Variants in PDE7B observed in about 807,000 individuals in gnomAD.
The protein encoded by PDE7B is 3',5'-cyclic-AMP phosphodiesterase 7B.
Under a neutral mutation model 56.2 loss-of-function variants are expected in PDE7B, and 29 were observed. The ratio of observed to expected loss-of-function variants is 0.52; its 90% CI spans 0.38 to 0.70. The LOEUF (loss-of-function observed/expected upper bound fraction) is 0.70, where lower values mean the gene tolerates loss of function less well. Among genes scored for constraint, PDE7B ranks in the 30% least tolerant of loss-of-function variants. The pLI is 0.00. For synonymous variants in PDE7B, 197 were observed against 196.9 expected (o/e 1.00, Z 0.00); for missense variants, 490 against 565.0 (o/e 0.87, Z 1.35).
Position 135,948,296 on chromosome 6 carries a change from A to C in PDE7B, c.82+772A>C, listed in dbSNP as rs559786925. Among the ~76,000 whole-genome samples the C allele has an allele frequency of 5.9e-5, 9 of 152,164 alleles. No homozygotes were observed. In the East Asian group the frequency reaches 1.3e-3, roughly 23 times the overall value. ...TGCAATTCATTATAGTAATAGAAGT[A>C]AACAGTAGCATGGATAAATAAAAAT... On this transcript the variant is annotated intron_variant, in intron 2 of 12. Coordinates refer to ENST00000308191, the MANE Select transcript of PDE7B (RefSeq NM_018945.4).
At chr6:136,038,404 G>A (rs1349012917) in intron 2 of PDE7B, 35 of 1,291,102 alleles carry the variant, frequency 2.7e-5, no homozygotes, top group Non-Finnish European at 3.5e-5. Context: ...AGCAGGGGCC[G>A]CTGCCCTGGG....
intron 2 of PDE7B, among the ~76,000 whole-genome samples, chr6:136,060,822 T>G (rs1254896012): frequency 6.6e-6 from 1 of 152,210 alleles, no homozygotes; most frequent in Non-Finnish European, 1.5e-5. Context: ...TCCTCCTGAT[T>G]CTAAGCCTAG....
intron 1 of PDE7B, among the ~76,000 whole-genome samples, chr6:135,854,545 C>G (rs1490352779): frequency 6.6e-6 from 1 of 152,196 alleles, no homozygotes; most frequent in African/African-American, 2.4e-5. Flanking sequence ...GAAGAAAGGA[C>G]TTGGCATTTG....
At chr6:135,852,776 T>A (rs183444483) in intron 1 of PDE7B, among the ~76,000 whole-genome samples, 42 of 152,246 alleles carry the variant, frequency 2.8e-4, no homozygotes, top group Non-Finnish European at 2.9e-5. Flanking sequence ...GAAAATGGAG[T>A]CAGATATTCA....
intron 2 of PDE7B, among the ~76,000 whole-genome samples, chr6:136,046,551 C>T (rs185142687): frequency 1.4e-4 from 21 of 152,308 alleles, no homozygotes; most frequent in African/African-American, 2.9e-4. Flanking sequence ...CTCCTGCACA[C>T]GCCTGAGAGG....
intron 2 of PDE7B, among the ~76,000 whole-genome samples, chr6:135,976,050 CA>C (rs1471372082): frequency 6.6e-6 from 1 of 152,096 alleles, no homozygotes; most frequent in East Asian, 1.9e-4. Flanking sequence ...TTCCAGTATC[CA>C]GACCTGCAGC....
intron 7 of PDE7B, among the ~76,000 whole-genome samples, chr6:136,154,587 G>T (rs1480641): frequency 7.6e-4 from 116 of 152,290 alleles, no homozygotes; most frequent in South Asian, 1.7e-3. Flanking sequence ...TGGAATCAAA[G>T]CTCCTCAAGT....
intron 8 of PDE7B, among the ~76,000 whole-genome samples, chr6:136,161,409 T>C (rs1778702430): frequency 6.6e-6 from 1 of 152,222 alleles, no homozygotes; most frequent in African/African-American, 2.4e-5. Flanking sequence ...AGGGAATATT[T>C]AATAGCTTCT....
At chr6:136,191,303 C>A (rs117785576) in intron 12 of PDE7B, among the ~76,000 whole-genome samples, 1 of 152,172 alleles carries the variant, frequency 6.6e-6, no homozygotes, top group Non-Finnish European at 1.5e-5. Context: ...GGCCCCAGAG[C>A]TGGAAATTTT....
In PDE7B at chr6:136,190,680, G is replaced by A. The variant is rs562648106; in HGVS notation, c.1127-934G>A. Reference sequence around the variant, plus strand: ...TGTTTATTATGAAAAGCACATTAACGCGGCAAAACGCGATTAGAAAGTAAC... The same window carrying A: ...TGTTTATTATGAAAAGCACATTAACACGGCAAAACGCGATTAGAAAGTAAC... On this transcript the variant is annotated intron_variant, in intron 12 of 12. Transcript: ENST00000308191. Among the ~76,000 whole-genome samples the A allele has an allele frequency of 3.3e-5, 5 of 152,146 alleles. No homozygotes were observed. The East Asian group carries it at 5.8e-4, about 18-fold the overall frequency.
chr6:135,881,564 G>A lies in PDE7B; in HGVS notation c.21+29545G>A, dbSNP rs144930270. Among the ~76,000 whole-genome samples, 509 of 152,140 alleles carry A rather than the reference G, an allele frequency of 3.3e-3. 3 individuals are homozygous for A. The highest frequency in any genetic ancestry group is 0.022 in the South Asian group (106 of 4,820). On this transcript the variant is annotated intron_variant, in intron 1 of 12. Coordinates refer to ENST00000308191, the MANE Select transcript of PDE7B (RefSeq NM_018945.4). ...GTCTGCATGCTAATAGGCAGGTCCC[G>A]CAATATATTTTTTAATAACAAACAC...
intron 2 of PDE7B, among the ~76,000 whole-genome samples, chr6:136,018,895 G>A (rs1410437101): frequency 6.6e-6 from 1 of 151,958 alleles, no homozygotes; most frequent in Non-Finnish European, 1.5e-5. Flanking sequence ...CTTAGCCTGT[G>A]TTTTAACTGA....
intron 3 of PDE7B, among the ~76,000 whole-genome samples, chr6:136,119,061 G>A (rs1302882520): frequency 1.3e-5 from 2 of 152,180 alleles, no homozygotes; most frequent in African/African-American, 4.8e-5. Context: ...CCCCAAAGAA[G>A]AAGGAAATGG....
chr6:136,147,592 CCT>C, intron 4 of PDE7B, 90 bp downstream of exon 4: 1 of 1,034,100 alleles, frequency 9.7e-7, no homozygotes, highest in Non-Finnish European at 1.5e-6. Context: ...TCCTACTCTG[CCT>C]CTGAGGAGCT....
chr6:136,031,953 C>G (rs1776253789), intron 2 of PDE7B, among the ~76,000 whole-genome samples: 1 of 152,126 alleles, frequency 6.6e-6, no homozygotes, highest in African/African-American at 2.4e-5. Flanking sequence ...ATCTTCTTAA[C>G]CTGGTCAAAT....
At chr6:135,977,255 G>A (rs919191490) in intron 2 of PDE7B, among the ~76,000 whole-genome samples, 2 of 152,220 alleles carry the variant, frequency 1.3e-5, no homozygotes, top group Middle Eastern at 3.4e-3. Flanking sequence ...ATGTCTACAC[G>A]ATCATAGATC....
At chr6:136,122,994 A>C (rs999105993) in intron 3 of PDE7B, among the ~76,000 whole-genome samples, 1 of 152,180 alleles carries the variant, frequency 6.6e-6, no homozygotes, top group Admixed American at 6.5e-5. Context: ...TTTACTGAGC[A>C]CCTATGTGTC....
intron 2 of PDE7B, among the ~76,000 whole-genome samples, chr6:135,989,937 G>T (rs373137944): frequency 1.3e-5 from 2 of 152,230 alleles, no homozygotes; most frequent in East Asian, 3.9e-4. Flanking sequence ...TTTATTAGTA[G>T]AAAGTTTGCT....
At chr6:135,986,789 T>C (rs1261863319) in intron 2 of PDE7B, among the ~76,000 whole-genome samples, 2 of 152,264 alleles carry the variant, frequency 1.3e-5, no homozygotes, top group African/African-American at 4.8e-5. Flanking sequence ...CCATTTTCTC[T>C]TCCCAAAGCT....
Sources: gnomAD v4.1 joint callset for allele counts (sites outside exome capture counted in the v4.1 genomes callset) on GRCh38, gnomAD v4.1.1 for gene constraint, MANE v1.5 for transcripts, NCBI Gene and HGNC (gene_info 2026-07-23, HGNC 2026-07-21) for gene names.